Variants in ELOVL6 observed in about 807,000 individuals in gnomAD.
ELOVL6 encodes very long chain fatty acid elongase 6.
In ELOVL6, 8 loss-of-function variants were observed where a neutral mutation model predicts 31.7. That is an observed-to-expected ratio of 0.25 (90% CI 0.15 to 0.45). The LOEUF is 0.45. ELOVL6 is among the 20% of genes least tolerant of loss of function. ELOVL6 has a pLI of 1.00. For missense variants in ELOVL6, 126 were observed against 326.4 expected, an observed-to-expected ratio of 0.39 and a Z score of 4.73; for synonymous variants, 101 against 117.7, an observed-to-expected ratio of 0.86 and a Z score of 0.92.
chr4:110,096,898 C>A (rs1043042966), intron 2 of ELOVL6, among the ~76,000 whole-genome samples: 2 of 151,936 alleles, frequency 1.3e-5, no homozygotes, highest in African/African-American at 4.8e-5. Flanking sequence ...GGTTAACAGA[C>A]CAACAAAATT....
At chr4:110,108,614 G>A (rs576230490) in intron 1 of ELOVL6, among the ~76,000 whole-genome samples, 1 of 152,246 alleles carries the variant, frequency 6.6e-6, no homozygotes, top group African/African-American at 2.4e-5. Context: ...TTCCTCCTTC[G>A]ACAGAAAAGA....
In ELOVL6 at chr4:110,051,809, T is replaced by A. The variant is rs1488985880; in HGVS notation, c.374-47A>T. The A allele has an allele frequency of 6.6e-7, 1 of 1,512,280 alleles. No homozygotes were observed. Among genetic ancestry groups the A allele is most frequent in the East Asian group, 2.3e-5 (1 of 43,764 alleles). 93.7% of individuals were successfully genotyped at this position (1,512,280 alleles called of 1,614,324 possible). On this transcript the variant is annotated intron_variant, in intron 3 of 3. Transcript: ENST00000302274. This position sits in a 1 kb window ranked among gnomAD's most constrained non-coding sequence, Gnocchi z 4.8. ...GGTACGTGAGATCCTTGACCACCAG[T>A]AACGATGACTTACAGTTTTGTAAGA...
In ELOVL6 at chr4:110,049,089, T is replaced by G. The variant is rs1754770653; in HGVS notation, c.*2249A>C. 1 of 152,394 alleles carries G rather than the reference T, an allele frequency of 6.6e-6. No individual in the cohort carries two copies. The highest frequency in any genetic ancestry group is 1.5e-5 in the Non-Finnish European group (1 of 68,044). The allele number at this position is 152,394 out of a possible 1,614,324, so 9.4% of individuals were successfully genotyped here. On this transcript the variant is annotated 3_prime_UTR_variant, in exon 4 of 4. Transcript: ENST00000302274. ...ATTTTCTGTTATAAGGAAAAAAGGC[T>G]TATTGCACGGTATCATGTATTTGCG...
At chr4:110,187,457 A>G (rs964583513) in intron 1 of ELOVL6, among the ~76,000 whole-genome samples, 1 of 151,736 alleles carries the variant, frequency 6.6e-6, no homozygotes, top group Non-Finnish European at 1.5e-5. Context: ...AAAAAAAAAA[A>G]AAATTGCTTG....
chr4:110,116,133 C>A (rs1757163072), intron 1 of ELOVL6, among the ~76,000 whole-genome samples: 2 of 152,238 alleles, frequency 1.3e-5, no homozygotes. Context: ...CAAAGATATT[C>A]TGGAATAATC....
chr4:110,141,724 AATTGT>A lies in ELOVL6; in HGVS notation c.90-36101_90-36097del, dbSNP rs541157942. ...TGTATTGTATTAGCATATATATACT[AATTGT>A]ATTGTATTGTATTTATATATATAGT... is the stretch of plus-strand genomic sequence containing the variant. On this transcript the variant is annotated intron_variant, in intron 1 of 3. Coordinates refer to ENST00000302274, the MANE Select transcript of ELOVL6 (RefSeq NM_024090.3). 1.9e-4 allele frequency among the ~76,000 whole-genome samples: 28 copies of A among 145,572 alleles called. No homozygotes were observed. In the South Asian group the frequency reaches 2.8e-3, roughly 15 times the overall value.
chr4:110,187,080 C>G (rs950618044), intron 1 of ELOVL6, among the ~76,000 whole-genome samples: 33 of 151,398 alleles, frequency 2.2e-4, no homozygotes, highest in African/African-American at 7.3e-4. Flanking sequence ...TATTCTATTA[C>G]AATTTTAACA....
intron 1 of ELOVL6, among the ~76,000 whole-genome samples, chr4:110,184,839 G>C (rs1393452041): frequency 1.3e-5 from 2 of 152,196 alleles, no homozygotes; most frequent in African/African-American, 4.8e-5. Context: ...AAAATCGATG[G>C]TTTGAGAAGA....
At chr4:110,098,796 G>A (rs533781966) in intron 2 of ELOVL6, among the ~76,000 whole-genome samples, 1 of 152,064 alleles carries the variant, frequency 6.6e-6, no homozygotes, top group South Asian at 2.1e-4. Context: ...TTAAAAATCT[G>A]ACATTTATAA....
In ELOVL6 at chr4:110,059,714, T is replaced by C. The variant is rs767056834; in HGVS notation, c.262A>G (p.Ile88Val). ...TGCTTCAGGCCTTTGGTCATCAAAA[T>C]GTACACCATATAAGCACCAGTTCGA... ...ALRTGAYMVY[I>V]LMTKGLKQSV... Residue 88 changes from isoleucine (I) to valine (V), a missense_variant, in exon 3 of 4, where the codon ATT (isoleucine) becomes GTT (valine). Around this residue, in one of 3 missense-constraint regions of ELOVL6, gnomAD observed 53 missense variants for 193.4 expected, o/e 0.27. Coordinates refer to ENST00000302274, the MANE Select transcript of ELOVL6 (RefSeq NM_024090.3). 1.9e-6 allele frequency: 3 copies of C among 1,614,056 alleles called. No individual in the cohort carries two copies. In the South Asian group the frequency reaches 3.3e-5, roughly 18 times the overall value.
At chr4:110,195,480 G>T (rs1759745943) in intron 1 of ELOVL6, among the ~76,000 whole-genome samples, 1 of 152,172 alleles carries the variant, frequency 6.6e-6, no homozygotes, top group East Asian at 1.9e-4. Flanking sequence ...TTTGGGGAGG[G>T]AGGAGAGATA....
At chr4:110,180,181 G>T (rs1479562065) in intron 1 of ELOVL6, among the ~76,000 whole-genome samples, 2 of 152,040 alleles carry the variant, frequency 1.3e-5, no homozygotes, top group Non-Finnish European at 2.9e-5. Context: ...TCCATATAAT[G>T]CAAGTTCACC....
intron 1 of ELOVL6, among the ~76,000 whole-genome samples, chr4:110,181,990 C>T (rs1262750203): frequency 6.6e-6 from 1 of 152,344 alleles, no homozygotes; most frequent in East Asian, 1.9e-4. Flanking sequence ...TTGTTAACCA[C>T]GTACTCCAGG....
chr4:110,198,099 C>A, intron 1 of ELOVL6, 148 bp downstream of exon 1: 1 of 551,072 alleles, frequency 1.8e-6, no homozygotes, highest in Admixed American at 2.3e-5. Context: ...GCGTCTCCTG[C>A]ACCCGGGAGA....
chr4:110,090,098 C>A (rs1399950373), intron 2 of ELOVL6, among the ~76,000 whole-genome samples: 1 of 152,148 alleles, frequency 6.6e-6, no homozygotes, highest in South Asian at 2.1e-4. Flanking sequence ...TTAGATAAGA[C>A]AATATATTAA....
intron 1 of ELOVL6, among the ~76,000 whole-genome samples, chr4:110,108,647 G>A (rs561450558): frequency 1.3e-5 from 2 of 152,332 alleles, no homozygotes; most frequent in African/African-American, 4.8e-5. Flanking sequence ...GATGACAATA[G>A]TCACTCACAG....
At chr4:110,086,535 TA>T (rs1277794317) in intron 2 of ELOVL6, among the ~76,000 whole-genome samples, 3 of 152,190 alleles carry the variant, frequency 2.0e-5, no homozygotes, top group African/African-American at 7.2e-5. Context: ...GAAATAGAAA[TA>T]TTTTTGGTCA....
intron 1 of ELOVL6, among the ~76,000 whole-genome samples, chr4:110,163,886 T>C (rs1758697599): frequency 1.3e-5 from 2 of 152,186 alleles, no homozygotes; most frequent in Admixed American, 1.3e-4. Flanking sequence ...GAATCTTCCT[T>C]ATCAGGTGGG....
intron 2 of ELOVL6, among the ~76,000 whole-genome samples, chr4:110,090,907 G>A (rs1430801990): frequency 6.6e-6 from 1 of 152,094 alleles, no homozygotes; most frequent in African/African-American, 2.4e-5. Context: ...CTGGCCGAGA[G>A]TTTGACTTTC....
Sources: gnomAD v4.1 joint callset for allele counts (sites outside exome capture counted in the v4.1 genomes callset) on GRCh38, gnomAD v4.1.1 for gene constraint, gnomAD v4.1.1 regional missense constraint, Gnocchi (gnomAD v3.1) non-coding constraint, MANE v1.5 for transcripts, NCBI Gene and HGNC (gene_info 2026-07-23, HGNC 2026-07-21) for gene names.